AGPS: variants seen among roughly 807,000 people sequenced by gnomAD.
AGPS encodes alkyldihydroxyacetonephosphate synthase, peroxisomal.
AGPS carries 26 observed loss-of-function variants against 90.7 expected under a neutral mutation model. That is an observed-to-expected ratio of 0.29 (90% CI 0.21 to 0.40). The LOEUF (loss-of-function observed/expected upper bound fraction) is 0.40. AGPS is among the 10% of genes least tolerant of loss of function. The pLI, the probability that AGPS is intolerant of heterozygous loss-of-function variation, is 1.00. For missense variants in AGPS, 540 were observed against 816.1 expected, an observed-to-expected ratio of 0.66 and a Z score of 4.12; for synonymous variants, 294 against 285.3, an observed-to-expected ratio of 1.03 and a Z score of -0.31.
At position 177,392,946 on chromosome 2, in the gene AGPS, C is replaced by A; in HGVS notation, c.157C>A (p.Leu53Met). 1 of 1,550,112 alleles carries A rather than the reference C, an allele frequency of 6.5e-7. No individual in the cohort carries two copies. Among genetic ancestry groups the A allele is most frequent in the Non-Finnish European group, 8.7e-7 (1 of 1,146,722 alleles). The part of the protein sequence containing the change: ...GHLLGRPREA[L>M]STNECKARRA... Reference sequence around the variant, plus strand: ...TCTGCTGGGCCGGCCCCGGGAGGCTCTGAGTACCAATGAGTGCAAAGCGCG... The same window carrying A: ...TCTGCTGGGCCGGCCCCGGGAGGCTATGAGTACCAATGAGTGCAAAGCGCG... Residue 53 changes from leucine to methionine, a missense_variant, in exon 1 of 20, where the codon CTG (leucine) becomes ATG (methionine). By Grantham distance (15) the Leu-to-Met change is conservative. Coordinates refer to ENST00000264167, the MANE Select transcript of AGPS (RefSeq NM_003659.4).
chr2:177,404,042 G>C (rs1467534795), intron 1 of AGPS, among the ~76,000 whole-genome samples: 1 of 152,196 alleles, frequency 6.6e-6, no homozygotes, highest in African/African-American at 2.4e-5. Flanking sequence ...AATAAGGAAC[G>C]ATTGCTTGTT....
intron 2 of AGPS, among the ~76,000 whole-genome samples, chr2:177,433,529 G>T (rs997021939): frequency 6.6e-6 from 1 of 152,210 alleles, no homozygotes; most frequent in Non-Finnish European, 1.5e-5. Flanking sequence ...TCATTTTGGG[G>T]TCAGTCATCA....
rs1175987089 is a variant in AGPS at position 177,392,779 on chromosome 2, A to G, written c.-11A>G. The stretch of plus-strand genomic sequence containing the variant: ...CCCAGCGGTTCCGGGCGGCAGCACA[A>G]GGCGGTAGCCATGGCGGAGGCGGCG... On this transcript the variant is annotated 5_prime_UTR_variant, in exon 1 of 20. Coordinates refer to ENST00000264167, the MANE Select transcript of AGPS (RefSeq NM_003659.4). 3 of 1,475,032 alleles carry G rather than the reference A, an allele frequency of 2.0e-6. No individual in the cohort carries two copies. Among genetic ancestry groups the G allele is most frequent in the Admixed American group, 2.5e-5 (1 of 40,336 alleles). The allele number at this position is 1,475,032 out of a possible 1,614,324, so 91.4% of individuals were successfully genotyped here.
intron 10 of AGPS, 26 bp from the exon 11 acceptor site, chr2:177,482,033 G>A (rs375265489): frequency 7.0e-5 from 111 of 1,576,222 alleles, no homozygotes; most frequent in Non-Finnish European, 9.0e-5. Flanking sequence ...GTGATGTACT[G>A]GATTATTCCC....
At chr2:177,408,166 C>T (rs149153802) in intron 1 of AGPS, among the ~76,000 whole-genome samples, 27 of 152,208 alleles carry the variant, frequency 1.8e-4, no homozygotes, top group Non-Finnish European at 3.4e-4. Flanking sequence ...AGCAGTTTCT[C>T]GTACTGTGTT....
At chr2:177,474,643 T>C (rs1458717023) in intron 10 of AGPS, among the ~76,000 whole-genome samples, 2 of 152,240 alleles carry the variant, frequency 1.3e-5, no homozygotes, top group South Asian at 2.1e-4. Context: ...GACCCTCCCT[T>C]ATCTGCCTCC....
At chr2:177,427,137 T>A (rs544545916) in intron 2 of AGPS, among the ~76,000 whole-genome samples, 109 of 152,326 alleles carry the variant, frequency 7.2e-4, no homozygotes, top group Middle Eastern at 3.4e-3. Flanking sequence ...ATTTTCTAGT[T>A]CATGTGCATA....
At chr2:177,475,339 G>T (rs1426806635) in intron 10 of AGPS, among the ~76,000 whole-genome samples, 4 of 148,876 alleles carry the variant, frequency 2.7e-5, no homozygotes, top group Non-Finnish European at 4.4e-5. Flanking sequence ...TTCTGTGTTA[G>T]GGGGTAAGAC....
chr2:177,398,280 A>G (rs1433072924), intron 1 of AGPS, among the ~76,000 whole-genome samples: 2 of 152,208 alleles, frequency 1.3e-5, no homozygotes, highest in Non-Finnish European at 2.9e-5. Flanking sequence ...CCCTATTTTG[A>G]GTTCCTAGCT....
At chr2:177,449,617 A>AT (rs757540746) in intron 8 of AGPS, among the ~76,000 whole-genome samples, 95 of 151,936 alleles carry the variant, frequency 6.3e-4, no homozygotes, top group Non-Finnish European at 1.1e-3. Context: ...TAGAGATGGA[A>AT]TTTTTTGCCA....
rs1689142842 is a variant in AGPS, at chr2:177,520,356, A to AT, written c.1698-907dup. ...ATTTGCCCATTCTCTATCAATATGGATTTTTTAAATAATGAAAATTGACTT... is the reference window on the plus strand; with the variant it reads ...ATTTGCCCATTCTCTATCAATATGGATTTTTTTAAATAATGAAAATTGACTT... On this transcript the variant is annotated intron_variant, in intron 17 of 19. Transcript: ENST00000264167. 9.2e-5 allele frequency among the ~76,000 whole-genome samples: 14 copies of AT among 152,316 alleles called. 1 individual carries two copies. The South Asian group carries it at 2.9e-3, about 32-fold the overall frequency.
intron 10 of AGPS, among the ~76,000 whole-genome samples, chr2:177,476,947 A>G (rs577715411): frequency 1.3e-5 from 2 of 152,136 alleles, no homozygotes; most frequent in African/African-American, 4.8e-5. Flanking sequence ...TCTGTTTCGT[A>G]TGATATTAGT....
intron 11 of AGPS, among the ~76,000 whole-genome samples, chr2:177,484,332 C>CA (rs1454957720): frequency 6.6e-6 from 1 of 151,866 alleles, no homozygotes; most frequent in East Asian, 1.9e-4. Context: ...ATTCCCCCCA[C>CA]AAAAAGTGTG....
intron 8 of AGPS, among the ~76,000 whole-genome samples, chr2:177,455,823 T>C (rs1429481389): frequency 6.6e-6 from 1 of 152,094 alleles, no homozygotes; most frequent in Non-Finnish European, 1.5e-5. Context: ...TATTGCTCTA[T>C]AATATAAGCA....
At chr2:177,487,152 G>A (rs1386947406) in intron 11 of AGPS, among the ~76,000 whole-genome samples, 2 of 152,148 alleles carry the variant, frequency 1.3e-5, no homozygotes, top group African/African-American at 4.8e-5. Flanking sequence ...GGAAAACCGA[G>A]TGTTAAAACA....
intron 19 of AGPS, among the ~76,000 whole-genome samples, chr2:177,529,382 A>G (rs942891902): frequency 2.0e-5 from 3 of 152,144 alleles, no homozygotes; most frequent in African/African-American, 7.2e-5. Context: ...GGGCGGGAAG[A>G]TGGCTTGAGC....
intron 10 of AGPS, among the ~76,000 whole-genome samples, chr2:177,472,522 A>T (rs1250823235): frequency 6.6e-6 from 1 of 151,912 alleles, no homozygotes; most frequent in Non-Finnish European, 1.5e-5. Context: ...TTTCTTCAGG[A>T]TCGTGGCTGG....
chr2:177,522,709 C>T (rs541491020), intron 18 of AGPS, among the ~76,000 whole-genome samples: 42 of 152,304 alleles, frequency 2.8e-4, no homozygotes, highest in African/African-American at 8.9e-4. Context: ...CCACCTTGGC[C>T]TCCCAAAGTG....
chr2:177,395,708 GAATA>G (rs1438193639), intron 1 of AGPS, among the ~76,000 whole-genome samples: 6 of 152,132 alleles, frequency 3.9e-5, no homozygotes, highest in African/African-American at 1.4e-4. Context: ...AATTATTTTG[GAATA>G]ATTTTGTGAT....
Sources: gnomAD v4.1 joint callset for allele counts (sites outside exome capture counted in the v4.1 genomes callset) on GRCh38, gnomAD v4.1.1 for gene constraint, MANE v1.5 for transcripts, NCBI Gene and HGNC (gene_info 2026-07-23, HGNC 2026-07-21) for gene names.